FER1L5: variants seen among roughly 807,000 people sequenced by gnomAD.
FER1L5 encodes the protein fer-1 like family member 5, also known as fer-1-like protein 5.
FER1L5 carries 187 observed loss-of-function variants against 279.9 expected under a neutral mutation model. The ratio of observed to expected loss-of-function variants is 0.67; its 90% CI spans 0.59 to 0.75. FER1L5 has a LOEUF of 0.75. Among genes scored for constraint, FER1L5 ranks in the 30% least tolerant of loss-of-function variants. FER1L5 has a pLI of 0.00. For missense variants in FER1L5, 2,091 were observed against 2,594.4 expected, an observed-to-expected ratio of 0.81 and a Z score of 4.21; for synonymous variants, 921 against 989.7, an observed-to-expected ratio of 0.93 and a Z score of 1.30.
rs2077657136 is a variant in FER1L5 at position 96,703,238 on chromosome 2, C to T, written c.5583C>T (p.Pro1861=). Residue 1861 remains proline (P), a synonymous_variant, in exon 50 of 53, where the codon CCC becomes CCT. Transcript: ENST00000624922. ...QCSIRMMDAD[P]KWPYFIQYKH... ...CCATCAGGATGATGGACGCCGACCC[C>T]AAGTGGCCCTATTTCATCCAATACA... 1 of 1,613,834 alleles carries T rather than the reference C, an allele frequency of 6.2e-7. No homozygotes were observed. Among genetic ancestry groups the T allele is most frequent in the Admixed American group, 1.7e-5 (1 of 60,002 alleles).
In FER1L5 at chr2:96,688,032, T is replaced by C. The variant is rs1045519849; in HGVS notation, c.2361+85T>C. ...CCTCGTAGGGAAGAGATGGCCTCCC[T>C]GCAGGGGATTTGGCGTGAGAAGGGA... is the stretch of plus-strand genomic sequence containing the variant. On this transcript the variant is annotated intron_variant, in intron 24 of 52. Coordinates refer to ENST00000624922, the MANE Select transcript of FER1L5 (RefSeq NM_001293083.2). 2.6e-6 allele frequency: 4 copies of C among 1,511,168 alleles called. No homozygotes were observed. The African/African-American group carries it at 5.5e-5, about 21-fold the overall frequency. The allele number at this position is 1,511,168 out of a possible 1,614,324, so 93.6% of individuals were successfully genotyped here. A position where few individuals can be genotyped will look rare whatever the true frequency, so the allele number is the denominator to read the frequency against.
chr2:96,647,737 C>T, intron 3 of FER1L5, 41 bp from the exon 4 acceptor site: 3 of 1,430,104 alleles, frequency 2.1e-6, no homozygotes, highest in African/African-American at 1.4e-5. Context: ...GACACTCTTT[C>T]CCCTGGCTCA....
At chr2:96,646,160 G>C (rs941267522) in intron 1 of FER1L5, among the ~76,000 whole-genome samples, 1 of 151,920 alleles carries the variant, frequency 6.6e-6, no homozygotes, top group Non-Finnish European at 1.5e-5. Context: ...CACCACGCCC[G>C]GCTAATTTTT....
chr2:96,661,194 C>A, intron 10 of FER1L5, 131 bp from the exon 11 acceptor site: 1 of 617,788 alleles, frequency 1.6e-6, no homozygotes, highest in Admixed American at 3.2e-5. Context: ...CCCTTTTCCT[C>A]TGCCACTGGA....
rs2075476369 is a variant in FER1L5, at chr2:96,653,672, A to C, written c.666A>C (p.Ala222=). 6.4e-7 allele frequency: 1 copy of C among 1,551,386 alleles called. No homozygotes were observed. The highest frequency in any genetic ancestry group is 8.7e-7 in the Non-Finnish European group (1 of 1,146,964). ...IFFQNFHEVP[A]KFFDETILIQ... is the part of the protein sequence containing the mutation. ...TCCAGAATTTTCATGAGGTTCCTGC[A>C]AAGTTCTTTGATGAGACCATCTTAA... Residue 222 remains alanine, a synonymous_variant, in exon 8 of 53, where the codon GCA becomes GCC. Coordinates refer to ENST00000624922, the MANE Select transcript of FER1L5 (RefSeq NM_001293083.2).
In FER1L5 at chr2:96,659,440, T is replaced by C. The variant is rs1261553103; in HGVS notation, c.748-901T>C. 2.1e-3 allele frequency among the ~76,000 whole-genome samples: 57 copies of C among 27,078 alleles called. 1 individual carries two copies. Among genetic ancestry groups the C allele is most frequent in the Non-Finnish European group, 2.9e-3 (47 of 15,962 alleles). The allele number at this position is 27,078 out of a possible 152,430, so 17.8% of individuals were successfully genotyped here. A position where few individuals can be genotyped will look rare whatever the true frequency, so the allele number is the denominator to read the frequency against. ...TTCTTTCTTTCTTTCTTTCTTTCTT[T>C]CTTTCTTTCTTTCTTTCTTTCTTTC... is the stretch of plus-strand genomic sequence containing the variant. On this transcript the variant is annotated intron_variant, in intron 9 of 52. Coordinates refer to ENST00000624922, the MANE Select transcript of FER1L5 (RefSeq NM_001293083.2).
chr2:96,698,569 C>A lies in FER1L5; in HGVS notation c.4357-102C>A. 9.7e-7 allele frequency: 1 copy of A among 1,031,254 alleles called. No individual in the cohort carries two copies. The highest frequency in any genetic ancestry group is 1.4e-6 in the Non-Finnish European group (1 of 703,250). 63.9% of individuals were successfully genotyped at this position (1,031,254 alleles called of 1,614,324 possible). ...CCTTCTATCCCTGCCACCCTCAGCCCAACCCTCTCTCTCCTGAACATGGGC... is the reference window on the plus strand; with the variant it reads ...CCTTCTATCCCTGCCACCCTCAGCCAAACCCTCTCTCTCCTGAACATGGGC... On this transcript the variant is annotated intron_variant, in intron 40 of 52. Transcript: ENST00000624922. The surrounding 1 kb of genome is among the most constrained non-coding windows in gnomAD (Gnocchi z 5.5).
At chr2:96,678,700 T>C (rs2076603365) in intron 19 of FER1L5, among the ~76,000 whole-genome samples, 2 of 152,222 alleles carry the variant, frequency 1.3e-5, no homozygotes, top group African/African-American at 4.8e-5. Flanking sequence ...CCCAAAGTGC[T>C]GGGATTACAG....
intron 8 of FER1L5, 40 bp downstream of exon 8, chr2:96,653,742 G>A: frequency 2.0e-6 from 3 of 1,475,584 alleles, no homozygotes; most frequent in Non-Finnish European, 2.8e-6. Context: ...TGGGTTTCTT[G>A]TCCCACTTCA....
At chr2:96,647,463 A>G (rs2075183351) in intron 3 of FER1L5, among the ~76,000 whole-genome samples, 1 of 152,122 alleles carries the variant, frequency 6.6e-6, no homozygotes, top group African/African-American at 2.4e-5. Flanking sequence ...TGAGACTCAC[A>G]TGCCCTGAGA....
chr2:96,657,428 G>C (rs2075643106), intron 9 of FER1L5, among the ~76,000 whole-genome samples: 1 of 151,880 alleles, frequency 6.6e-6, no homozygotes, highest in African/African-American at 2.4e-5. Context: ...ACAATTAATG[G>C]TACATATTTA....
At chr2:96,649,558 G>A in intron 4 of FER1L5, 65 bp from the exon 5 acceptor site, 1 of 1,498,154 alleles carries the variant, frequency 6.7e-7, no homozygotes, top group South Asian at 1.2e-5. Context: ...GGCTGTGCAG[G>A]GCTTGGGTGC....
intron 14 of FER1L5, 135 bp from the exon 15 acceptor site, chr2:96,668,616 A>G (rs1308409050): frequency 1.3e-5 from 13 of 1,002,244 alleles, no homozygotes; most frequent in South Asian, 8.4e-5. Context: ...CAGCTTTTCT[A>G]TGATGAAGTG....
chr2:96,681,890 A>G (rs1156341916), intron 19 of FER1L5, among the ~76,000 whole-genome samples: 2 of 150,904 alleles, frequency 1.3e-5, no homozygotes, highest in South Asian at 4.2e-4. Flanking sequence ...GGTTCAAGCA[A>G]TTCTCCTGCC....
chr2:96,703,830 T>G (rs2077681360), intron 51 of FER1L5, among the ~76,000 whole-genome samples, 198 bp downstream of exon 51: 2 of 149,040 alleles, frequency 1.3e-5, no homozygotes, highest in South Asian at 4.3e-4. Context: ...TTTTTTTTTT[T>G]TTGAGATAAT....
At chr2:96,660,282 G>A (rs1301190078) in intron 9 of FER1L5, 59 bp from the exon 10 acceptor site, 2 of 1,541,772 alleles carry the variant, frequency 1.3e-6, no homozygotes, top group Non-Finnish European at 1.8e-6. Flanking sequence ...AGGTTAGTTG[G>A]TATTACAAAT....
In FER1L5 at chr2:96,699,855, C is replaced by T. The variant is rs144371624; in HGVS notation, c.4782-77C>T. On this transcript the variant is annotated intron_variant, in intron 43 of 52. Transcript: ENST00000624922. Reference sequence around the variant, plus strand: ...CCCAGTCTCCACCCAAGCTTCCACCCGTGGTCAACCTGCAGCTCACAGCAG... The same window carrying T: ...CCCAGTCTCCACCCAAGCTTCCACCTGTGGTCAACCTGCAGCTCACAGCAG... 8.0e-3 allele frequency: 12,670 copies of T among 1,584,572 alleles called. 60 individuals are homozygous for T. The highest frequency in any genetic ancestry group is 9.3e-3 in the Admixed American group (533 of 57,160).
chr2:96,674,520 G>A (rs904701634), intron 19 of FER1L5, among the ~76,000 whole-genome samples: 4 of 152,206 alleles, frequency 2.6e-5, no homozygotes, highest in East Asian at 1.9e-4. Flanking sequence ...CACCGCACCC[G>A]GGCATCTACT....
Position 96,692,139 on chromosome 2 carries a change from C to T in FER1L5, c.3250C>T (p.Gln1084Ter), listed in dbSNP as rs1234917493. 1 of 1,551,662 alleles carries T rather than the reference C, an allele frequency of 6.4e-7. No homozygotes were observed. Among genetic ancestry groups the T allele is most frequent in the Non-Finnish European group, 8.7e-7 (1 of 1,146,968 alleles). Residue 1084 changes from glutamine (Q) to a stop codon, truncating the protein, a stop_gained, in exon 31 of 53, where the codon CAG (glutamine) becomes TAG (stop). Transcript: ENST00000624922. LOFTEE classifies it high-confidence loss of function. ...HYYQLFCYIY[Q>*]ARNLVSNQIL... ...CTACCAGCTCTTCTGCTACATCTAC[C>T]AGGCCCGGAACCTGGTGTCCAATCA...
Sources: gnomAD v4.1 joint callset for allele counts (sites outside exome capture counted in the v4.1 genomes callset) on GRCh38, gnomAD v4.1.1 for gene constraint, Gnocchi (gnomAD v3.1) non-coding constraint, MANE v1.5 for transcripts, NCBI Gene and HGNC (gene_info 2026-07-23, HGNC 2026-07-21) for gene names.